Variants in KYAT3 observed in about 807,000 individuals in gnomAD.
KYAT3 encodes the protein kynurenine--oxoglutarate transaminase 3.
A neutral mutation model predicts 59.0 loss-of-function variants in KYAT3; 50 were observed. The ratio of observed to expected loss-of-function variants is 0.85; its 90% CI spans 0.68 to 1.07. The LOEUF (loss-of-function observed/expected upper bound fraction) is 1.07, where lower values mean the gene tolerates loss of function less well. KYAT3 is among the 50% of genes least tolerant of loss of function. The probability of loss-of-function intolerance (pLI) is 0.00; values close to 1 mark genes in which losing one functional copy is unlikely to be tolerated. For synonymous variants in KYAT3, 148 were observed against 177.0 expected, an observed-to-expected ratio of 0.84 and a Z score of 1.30; for missense variants, 497 against 533.3, an observed-to-expected ratio of 0.93 and a Z score of 0.67.
chr1:88,925,030 A>G, the KYAT3 span, among the ~76,000 whole-genome samples: 3 of 152,216 alleles, frequency 2.0e-5, no homozygotes, highest in Non-Finnish European at 4.4e-5. Context: ...CCCAGGTAAC[A>G]TTTGGTGACC....
intron 13 of KYAT3, among the ~76,000 whole-genome samples, chr1:88,939,990 T>C (rs992532642): frequency 6.6e-6 from 1 of 152,144 alleles, no homozygotes; most frequent in African/African-American, 2.4e-5. Flanking sequence ...CTCTAACACT[T>C]GTTTTTCCTT....
At chr1:88,936,882 T>A (rs1222209044) in intron 13 of KYAT3, among the ~76,000 whole-genome samples, 1 of 152,210 alleles carries the variant, frequency 6.6e-6, no homozygotes, top group Non-Finnish European at 1.5e-5. Flanking sequence ...AATGATTCAG[T>A]CTGAAAGCCA....
chr1:88,921,655 C>G, the KYAT3 span, among the ~76,000 whole-genome samples: 1 of 152,102 alleles, frequency 6.6e-6, no homozygotes, highest in Non-Finnish European at 1.5e-5. Context: ...GAAATAGAAC[C>G]ACTAGGATGT....
Position 88,968,727 on chromosome 1 carries a change from T to G in KYAT3, c.246A>C (p.Lys82Asn). ...TTGCTGCAATCTTTGATAATTCTTC[T>G]TTTACATATGTAGGAGGGGATATAT... ...FPDISPPTYVKEELSKIAAID... is the reference protein window; with the variant it reads ...FPDISPPTYVNEELSKIAAID... Residue 82 changes from lysine (K) to asparagine (N), a missense_variant, in exon 4 of 14, where the codon AAA (lysine) becomes AAC (asparagine). Transcript: ENST00000260508. 6.2e-7 allele frequency: 1 copy of G among 1,601,064 alleles called. No homozygotes were observed. Among genetic ancestry groups the G allele is most frequent in the Non-Finnish European group, 8.5e-7 (1 of 1,176,334 alleles).
intron 5 of KYAT3, among the ~76,000 whole-genome samples, chr1:88,964,101 G>T (rs1420514892): frequency 2.0e-4 from 31 of 152,172 alleles, no homozygotes; most frequent in Admixed American, 2.0e-3. Flanking sequence ...TACTCAGTAG[G>T]CTGAGGCACG....
intron 5 of KYAT3, among the ~76,000 whole-genome samples, chr1:88,963,805 G>T (rs189116729): frequency 6.6e-6 from 1 of 152,336 alleles, no homozygotes; most frequent in East Asian, 1.9e-4. Flanking sequence ...AAGGCTATTG[G>T]AATGCTAATG....
chr1:88,931,958 G>A (rs1195801325), downstream of KYAT3, among the ~76,000 whole-genome samples: 1 of 140,840 alleles, frequency 7.1e-6, no homozygotes, highest in Admixed American at 7.4e-5. Flanking sequence ...ACAGCTCAAT[G>A]GAAAAGATAA....
In KYAT3 at chr1:88,962,448, T is replaced by C. The variant is rs557013589; in HGVS notation, c.454-303A>G. The stretch of plus-strand genomic sequence containing the variant: ...GATAGATTTACCTGGAGAATGGGAC[T>C]ATCACATTCTCAAAGGGATATTCCA... On this transcript the variant is annotated intron_variant, in intron 5 of 13. Transcript: ENST00000260508. Among the ~76,000 whole-genome samples the C allele has an allele frequency of 2.6e-5, 4 of 152,346 alleles. No individual in the cohort carries two copies. The South Asian group carries it at 8.3e-4, about 32-fold the overall frequency.
chr1:88,959,643 A>G (rs1312129070), intron 8 of KYAT3, among the ~76,000 whole-genome samples: 2 of 151,782 alleles, frequency 1.3e-5, no homozygotes, highest in African/African-American at 4.8e-5. Flanking sequence ...AATTTCAATA[A>G]TCATTTACCT....
chr1:88,985,461 C>G (rs1677399194), intron 2 of KYAT3, among the ~76,000 whole-genome samples: 2 of 152,218 alleles, frequency 1.3e-5, no homozygotes, highest in South Asian at 4.1e-4. Context: ...AGTCTGTGTT[C>G]AATCCCTCAC....
the KYAT3 span, chr1:88,923,896 G>T: frequency 5.9e-6 from 1 of 168,148 alleles, no homozygotes. Context: ...ACTCACTGGA[G>T]GAAGGAAGTA....
chr1:88,951,478 G>T (rs562610679), intron 10 of KYAT3, among the ~76,000 whole-genome samples: 2 of 151,860 alleles, frequency 1.3e-5, no homozygotes, highest in Non-Finnish European at 2.9e-5. Flanking sequence ...CAGGTGATCC[G>T]CTCACCTTGG....
intron 11 of KYAT3, among the ~76,000 whole-genome samples, chr1:88,944,403 G>C (rs948550042): frequency 1.3e-5 from 2 of 152,086 alleles, no homozygotes; most frequent in African/African-American, 2.4e-5. Flanking sequence ...CCTTTTACCT[G>C]ATATTTTAAT....
Position 88,961,493 on chromosome 1 carries a change from C to T in KYAT3, c.554G>A (p.Gly185Glu), listed in dbSNP as rs986277012. The T allele has an allele frequency of 6.2e-7, 1 of 1,611,338 alleles. No individual in the cohort carries two copies. The change falls in exon 7 of 14, where the codon GGA (glycine) becomes GAA (glutamate). Residue 185 changes from glycine to glutamate, a missense_variant. This residue lies in a region of KYAT3 where 469 missense variants were observed against 479.1 expected (regional missense o/e 0.98). Coordinates refer to ENST00000260508, the MANE Select transcript of KYAT3 (RefSeq NM_001008661.3). ...FIPLRSKPVY[G>E]KRWSSSDWTL... is the part of the protein sequence containing the mutation. Reference sequence around the variant, plus strand: ...CCAGTCAGAACTAGACCATCTTTTTCCATAAACAGGTTTCTAAGCATGAAG... The same window carrying T: ...CCAGTCAGAACTAGACCATCTTTTTTCATAAACAGGTTTCTAAGCATGAAG...
At chr1:88,966,681 C>T (rs1422390558) in intron 4 of KYAT3, among the ~76,000 whole-genome samples, 1 of 151,944 alleles carries the variant, frequency 6.6e-6, no homozygotes, top group Non-Finnish European at 1.5e-5. Context: ...AATGAGTTTA[C>T]ATTTTTCTTC....
At chr1:88,984,822 A>C (rs1233843384) in intron 2 of KYAT3, among the ~76,000 whole-genome samples, 1 of 152,144 alleles carries the variant, frequency 6.6e-6, no homozygotes, top group African/African-American at 2.4e-5. Flanking sequence ...TAGCATTTTG[A>C]TTATCTTCCC....
chr1:88,949,415 C>T, intron 10 of KYAT3, 138 bp from the exon 11 acceptor site: 2 of 567,282 alleles, frequency 3.5e-6, no homozygotes, highest in Non-Finnish European at 2.9e-6. Context: ...AGTTGAATTC[C>T]TGTGAACCTA....
chr1:88,946,240 T>G (rs1184349323), intron 11 of KYAT3, among the ~76,000 whole-genome samples: 1 of 152,232 alleles, frequency 6.6e-6, no homozygotes, highest in Non-Finnish European at 1.5e-5. Context: ...GTCAGGAAGT[T>G]TAGTCTCAAG....
At chr1:88,942,861 C>T in intron 13 of KYAT3, 144 bp downstream of exon 13, 1 of 654,748 alleles carries the variant, frequency 1.5e-6, no homozygotes, top group Admixed American at 2.5e-5. Context: ...CACGCCCAGC[C>T]AGTAAGCAGT....
Sources: allele counts gnomAD v4.1 joint callset (sites outside exome capture counted in the v4.1 genomes callset), GRCh38; gene constraint gnomAD v4.1.1; regional missense constraint gnomAD v4.1.1; transcripts MANE v1.5; gene names NCBI Gene and HGNC (gene_info 2026-07-23, HGNC 2026-07-21).